The following OR1L8 variants were observed in gnomAD, a reference collection of about 807,000 sequenced individuals.
The protein encoded by OR1L8 is olfactory receptor 1L8.
For missense variants in OR1L8, 330 were observed against 377.4 expected, an observed-to-expected ratio of 0.87 and a Z score of 1.04; for synonymous variants, 148 against 147.0, an observed-to-expected ratio of 1.01 and a Z score of -0.05.
intron 1 of OR1L8, among the ~76,000 whole-genome samples, chr9:122,580,717 A>T (rs1564204542): frequency 6.6e-6 from 1 of 152,192 alleles, no homozygotes. Flanking sequence ...GTATTGTATT[A>T]TGAGGGAATT....
the OR1L8 span, among the ~76,000 whole-genome samples, chr9:122,549,818 T>C: frequency 2.7e-3 from 407 of 152,278 alleles, 1 homozygote; most frequent in Non-Finnish European, 4.4e-3. Context: ...TTGTTCTTTT[T>C]GCTTAGGATT....
intron 1 of OR1L8, among the ~76,000 whole-genome samples, chr9:122,581,042 T>C (rs1173672937): frequency 6.6e-6 from 1 of 152,152 alleles, no homozygotes; most frequent in Non-Finnish European, 1.5e-5. Context: ...ATATTAAATA[T>C]AATTATAATG....
At chr9:122,582,831 A>C (rs1411268) in intron 1 of OR1L8, among the ~76,000 whole-genome samples, 2 of 151,930 alleles carry the variant, frequency 1.3e-5, no homozygotes, top group Non-Finnish European at 2.9e-5. Flanking sequence ...AAAAATAATC[A>C]GGAGTACATA....
chr9:122,581,860 C>T (rs149500821), intron 1 of OR1L8, among the ~76,000 whole-genome samples: 2,038 of 151,956 alleles, frequency 0.013, 46 homozygotes, highest in African/African-American at 0.046. Flanking sequence ...TGCAGTGAGC[C>T]GAGATCACGA....
At chr9:122,576,009 A>C (rs1436186397) in intron 3 of OR1L8, among the ~76,000 whole-genome samples, 1 of 151,988 alleles carries the variant, frequency 6.6e-6, no homozygotes, top group Non-Finnish European at 1.5e-5. Flanking sequence ...TGTCTGGTTT[A>C]TTTCAGTTAC....
Position 122,567,816 on chromosome 9 carries a change from C to T in OR1L8, c.662G>A (p.Arg221Gln), listed in dbSNP as rs771093917. 4.5e-5 allele frequency: 72 copies of T among 1,613,922 alleles called. No homozygotes were observed. Among genetic ancestry groups the T allele is most frequent in the South Asian group, 3.6e-4 (33 of 91,066 alleles). Residue 221 changes from arginine to glutamine, a missense_variant, in exon 5 of 5, where the codon CGA becomes CAA. Transcript: ENST00000641027. The part of the protein sequence containing the change: ...RFLCIAFSYI[R>Q]ILTTVLKIPS... ...AATCTTGAGAACTGTAGTGAGGATT[C>T]GTATATAAGAGAAAGCAATGCAGAG... is the stretch of plus-strand genomic sequence containing the variant.
At chr9:122,561,020 C>T in the OR1L8 span, among the ~76,000 whole-genome samples, 659 of 152,240 alleles carry the variant, frequency 4.3e-3, 4 homozygotes, top group African/African-American at 0.015. Flanking sequence ...AGGTTTTGCT[C>T]ATCCCTTTTC....
chr9:122,561,340 C>T, the OR1L8 span, among the ~76,000 whole-genome samples: 1 of 152,150 alleles, frequency 6.6e-6, no homozygotes, highest in Non-Finnish European at 1.5e-5. Context: ...CTGCCTCTGT[C>T]AGTTCATCTA....
At chr9:122,558,311 C>CTTTTTTTTTTTTT in the OR1L8 span, among the ~76,000 whole-genome samples, 10 of 34,472 alleles carry the variant, frequency 2.9e-4, 3 homozygotes, top group Non-Finnish European at 4.8e-4. Flanking sequence ...TTGGATTTTG[C>CTTTTTTTTTTTTT]TTTTTTTTTT....
the OR1L8 span, among the ~76,000 whole-genome samples, chr9:122,551,219 T>A: frequency 6.6e-6 from 1 of 152,270 alleles, no homozygotes; most frequent in East Asian, 1.9e-4. Flanking sequence ...AAACCAACAA[T>A]GATACTAGAA....
chr9:122,567,325 T>G lies in OR1L8; in HGVS notation c.*223A>C. On this transcript the variant is annotated 3_prime_UTR_variant, in exon 5 of 5. Transcript: ENST00000641027. ...AAAATGAGAAAGTGGAAAAAATAAA[T>G]CTTTCCAAGAAAGAGGAGACACAGA... The G allele has an allele frequency of 2.4e-6, 1 of 410,884 alleles. No individual in the cohort carries two copies. The highest frequency in any genetic ancestry group is 8.7e-5 in the South Asian group (1 of 11,536). 25.5% of individuals were successfully genotyped at this position (410,884 alleles called of 1,614,324 possible).
chr9:122,548,887 G>C, the OR1L8 span, among the ~76,000 whole-genome samples: 1 of 151,750 alleles, frequency 6.6e-6, no homozygotes, highest in Admixed American at 6.6e-5. Flanking sequence ...CAGATGCATA[G>C]TTGGCAAATA....
At chr9:122,553,183 A>T in the OR1L8 span, 1 of 1,606,186 alleles carries the variant, frequency 6.2e-7, no homozygotes, top group Non-Finnish European at 8.5e-7. Context: ...GAAGGTTTTT[A>T]TCTGCGCAGA....
At chr9:122,565,486 G>A (rs995024434), downstream of OR1L8, among the ~76,000 whole-genome samples, 1 of 152,208 alleles carries the variant, frequency 6.6e-6, no homozygotes, top group African/African-American at 2.4e-5. Flanking sequence ...TCAGCAGCAT[G>A]TACTCCCACT....
chr9:122,560,314 T>C, the OR1L8 span, among the ~76,000 whole-genome samples: 1 of 152,208 alleles, frequency 6.6e-6, no homozygotes, highest in South Asian at 2.1e-4. Context: ...AATCGCAGCA[T>C]TTAGCCCGTT....
chr9:122,548,103 C>G, the OR1L8 span, among the ~76,000 whole-genome samples: 1,476 of 152,166 alleles, frequency 9.7e-3, 27 homozygotes, highest in African/African-American at 0.034. Context: ...TTGCTCAAAG[C>G]AGAAGTATAC....
At chr9:122,573,178 G>C (rs1829583351) in intron 3 of OR1L8, among the ~76,000 whole-genome samples, 1 of 152,148 alleles carries the variant, frequency 6.6e-6, no homozygotes, top group South Asian at 2.1e-4. Flanking sequence ...GTGGTGTGCT[G>C]ACCCCTCAGG....
chr9:122,557,283 A>T, the OR1L8 span, among the ~76,000 whole-genome samples: 1 of 151,954 alleles, frequency 6.6e-6, no homozygotes. Flanking sequence ...GAGGGGGGAC[A>T]TTTTTTTGCC....
chr9:122,565,305 C>T (rs529334751), downstream of OR1L8, among the ~76,000 whole-genome samples: 2 of 152,294 alleles, frequency 1.3e-5, no homozygotes, highest in African/African-American at 4.8e-5. Flanking sequence ...ATCTGTGTCC[C>T]ATGTAAATAC....
Sources: allele counts gnomAD v4.1 joint callset (sites outside exome capture counted in the v4.1 genomes callset), GRCh38; gene constraint gnomAD v4.1.1; transcripts MANE v1.5; gene names NCBI Gene and HGNC (gene_info 2026-07-23, HGNC 2026-07-21).